NECAB2: variants seen among roughly 807,000 people sequenced by gnomAD.
NECAB2 encodes the protein N-terminal EF-hand calcium binding protein 2.
NECAB2 carries 68 observed loss-of-function variants against 51.9 expected under a neutral mutation model. The observed-to-expected ratio is 1.31, with a 90% CI of 1.08 to 1.60. The LOEUF is 1.60. Ranked by LOEUF, NECAB2 falls within the 40% of genes most tolerant of loss-of-function variation. The probability of loss-of-function intolerance (pLI) is 0.00; values close to 1 mark genes in which losing one functional copy is unlikely to be tolerated. For synonymous variants in NECAB2, 329 were observed against 203.5 expected, an observed-to-expected ratio of 1.62 and a Z score of -5.25; for missense variants, 854 against 490.3, an observed-to-expected ratio of 1.74 and a Z score of -7.00.
chr16:83,987,318 T>C (rs2084568961), intron 5 of NECAB2, among the ~76,000 whole-genome samples: 1 of 152,248 alleles, frequency 6.6e-6, no homozygotes, highest in Admixed American at 6.5e-5. Flanking sequence ...GGTTAGCTAA[T>C]TTCTCATACT....
intron 2 of NECAB2, among the ~76,000 whole-genome samples, chr16:83,976,772 C>G (rs1198902014): frequency 6.6e-6 from 1 of 152,198 alleles, no homozygotes; most frequent in African/African-American, 2.4e-5. Context: ...GTCTCTGATA[C>G]TTTATGCTCT....
chr16:83,972,164 C>T lies in NECAB2; in HGVS notation c.215C>T (p.Ala72Val), dbSNP rs201570211. Residue 72 changes from alanine (A) to valine (V), a missense_variant, in exon 2 of 13, where the codon GCG (alanine) becomes GTG (valine). Coordinates refer to ENST00000305202, the MANE Select transcript of NECAB2 (RefSeq NM_019065.3). ...TAVILDIFRR[A>V]DKNDDGKLSL... Reference sequence around the variant, plus strand: ...TCTTTTCTGCAGATTTTCCGCCGTGCGGACAAAAATGGTGAGTTTCCCTTC... The same window carrying T: ...TCTTTTCTGCAGATTTTCCGCCGTGTGGACAAAAATGGTGAGTTTCCCTTC... 2.0e-5 allele frequency: 32 copies of T among 1,613,300 alleles called. No individual in the cohort carries two copies. The highest frequency in any genetic ancestry group is 5.0e-5 in the Admixed American group (3 of 60,006).
At chr16:83,980,441 A>C (rs562344241) in intron 3 of NECAB2, among the ~76,000 whole-genome samples, 1 of 152,266 alleles carries the variant, frequency 6.6e-6, no homozygotes, top group Non-Finnish European at 1.5e-5. Context: ...CAGGAACTCC[A>C]GGACCCAGCA....
In NECAB2 at chr16:83,994,338, G is replaced by A. The variant is rs767193575; in HGVS notation, c.633G>A (p.Gln211=). The change falls in exon 7 of 13, where the codon CAG becomes CAA. Residue 211 remains glutamine (Q), a synonymous_variant. Transcript: ENST00000305202. ...TCAAACCCAGCCACAGCGCGGCACA[G>A]ACCTGGTGTGGAAGCCCCACTCCCG... The part of the protein sequence containing the change: ...NHIKPSHSAA[Q]TWCGSPTPAS... The A allele has an allele frequency of 1.2e-6, 2 of 1,614,180 alleles. No homozygotes were observed. Among genetic ancestry groups the A allele is most frequent in the East Asian group, 2.2e-5 (1 of 44,884 alleles).
intron 5 of NECAB2, among the ~76,000 whole-genome samples, chr16:83,984,477 C>T (rs960556582): frequency 2.0e-5 from 3 of 151,178 alleles, no homozygotes; most frequent in African/African-American, 7.3e-5. Flanking sequence ...AATTCCAGCA[C>T]TTTGGGAGGC....
In NECAB2 at chr16:84,002,363, C is replaced by G. The variant is rs376692532; in HGVS notation, c.*17C>G. Reference sequence around the variant, plus strand: ...CGGGACTGACAGCCTCCCAGAGGCCCGTGGAGGAGCCCACCAGCCCCTTCT... The same window carrying G: ...CGGGACTGACAGCCTCCCAGAGGCCGGTGGAGGAGCCCACCAGCCCCTTCT... On this transcript the variant is annotated 3_prime_UTR_variant, in exon 13 of 13. Coordinates refer to ENST00000305202, the MANE Select transcript of NECAB2 (RefSeq NM_019065.3). 184 of 1,613,250 alleles carry G rather than the reference C, an allele frequency of 1.1e-4. 1 individual carries two copies. The South Asian group carries it at 1.9e-3, about 16-fold the overall frequency.
In NECAB2 at chr16:83,994,698, G is replaced by A; in HGVS notation, c.795+10G>A. 6.2e-7 allele frequency: 1 copy of A among 1,613,912 alleles called. No homozygotes were observed. Among genetic ancestry groups the A allele is most frequent in the South Asian group, 1.1e-5 (1 of 91,074 alleles). ...GAGGCTGGAGAGCAAAGTAAGCCCT[G>A]GCCTGACCACGGCGTCTACTCCTTC... On this transcript the variant is annotated intron_variant, in intron 8 of 12. Coordinates refer to ENST00000305202, the MANE Select transcript of NECAB2 (RefSeq NM_019065.3).
intron 5 of NECAB2, among the ~76,000 whole-genome samples, chr16:83,984,595 T>C (rs988339682): frequency 5.3e-5 from 8 of 151,912 alleles, no homozygotes; most frequent in African/African-American, 1.9e-4. Context: ...CCGAGCATGG[T>C]GGGATGTGTC....
intron 2 of NECAB2, among the ~76,000 whole-genome samples, chr16:83,975,276 G>A (rs1318298): frequency 2.9e-5 from 4 of 137,196 alleles, no homozygotes; most frequent in East Asian, 4.5e-4. Flanking sequence ...GCGTGGGTGC[G>A]GGGATGGGAA....
intron 1 of NECAB2, among the ~76,000 whole-genome samples, chr16:83,970,986 C>T (rs558192903): frequency 1.3e-5 from 2 of 152,018 alleles, no homozygotes; most frequent in South Asian, 2.1e-4. Context: ...CCCAGCTACT[C>T]GGAAGGCTGA....
At chr16:83,998,430 A>G (rs936133019) in intron 10 of NECAB2, 113 bp downstream of exon 10, 17 of 962,586 alleles carry the variant, frequency 1.8e-5, no homozygotes, top group African/African-American at 6.5e-5. Flanking sequence ...CACCCCAGGG[A>G]CACACACAGC....
intron 9 of NECAB2, 24 bp from the exon 10 acceptor site, chr16:83,998,181 A>G (rs574041085): frequency 1.3e-5 from 21 of 1,601,240 alleles, no homozygotes; most frequent in African/African-American, 9.3e-5. Context: ...GGAGCCCCAC[A>G]CTGACTCCTG....
intron 10 of NECAB2, among the ~76,000 whole-genome samples, chr16:83,998,922 G>C (rs539513993): frequency 6.6e-6 from 1 of 152,308 alleles, no homozygotes; most frequent in Non-Finnish European, 1.5e-5. Flanking sequence ...CAGGGCCAGA[G>C]TGGAGGGGGT....
intron 6 of NECAB2, among the ~76,000 whole-genome samples, chr16:83,992,356 C>A (rs941798931): frequency 4.1e-5 from 6 of 145,252 alleles, no homozygotes; most frequent in African/African-American, 1.6e-4. Flanking sequence ...AGTCCCATCT[C>A]CCGGGGAACA....
intron 5 of NECAB2, among the ~76,000 whole-genome samples, 199 bp downstream of exon 5, chr16:83,981,326 G>A (rs2084486703): frequency 6.6e-6 from 1 of 152,108 alleles, no homozygotes; most frequent in Non-Finnish European, 1.5e-5. Flanking sequence ...CTCTGGTTGG[G>A]AGCAGGAGGC....
intron 2 of NECAB2, among the ~76,000 whole-genome samples, chr16:83,977,140 G>A (rs2084420853): frequency 6.6e-6 from 1 of 152,168 alleles, no homozygotes. Flanking sequence ...GACTCTCAGG[G>A]CCCTTGTCCC....
chr16:83,993,040 G>C (rs563188960), intron 6 of NECAB2, among the ~76,000 whole-genome samples: 3 of 152,286 alleles, frequency 2.0e-5, no homozygotes, highest in Non-Finnish European at 1.5e-5. Flanking sequence ...ACCTTACTTG[G>C]GGATGTTGTC....
chr16:83,972,286 G>A (rs748215604), intron 2 of NECAB2, 111 bp downstream of exon 2: 7 of 1,501,784 alleles, frequency 4.7e-6, no homozygotes, highest in Admixed American at 3.5e-5. Flanking sequence ...AAGGTTTGGA[G>A]TGCAGGGGTC....
At chr16:83,993,134 G>C (rs1406452039) in intron 6 of NECAB2, among the ~76,000 whole-genome samples, 1 of 152,126 alleles carries the variant, frequency 6.6e-6, no homozygotes, top group Non-Finnish European at 1.5e-5. Context: ...TTTGGCTCTA[G>C]GCTGTGGGTC....
Sources: allele counts gnomAD v4.1 joint callset (sites outside exome capture counted in the v4.1 genomes callset), GRCh38; gene constraint gnomAD v4.1.1; transcripts MANE v1.5; gene names NCBI Gene and HGNC (gene_info 2026-07-23, HGNC 2026-07-21).